The following NRG3 variants were observed in gnomAD, a reference collection of about 807,000 sequenced individuals.
The protein encoded by NRG3 is neuregulin 3, also known as pro-neuregulin-3, membrane-bound isoform.
A neutral mutation model predicts 66.9 loss-of-function variants in NRG3; 31 were observed. The observed-to-expected ratio is 0.46, with a 90% CI of 0.35 to 0.63. The LOEUF is 0.63. Ranked by LOEUF, NRG3 falls within the 20% of genes least tolerant of loss-of-function variation. The pLI, the probability that NRG3 is intolerant of heterozygous loss-of-function variation, is 0.00. For synonymous variants in NRG3, 393 were observed against 359.4 expected (o/e 1.09, Z -1.06); for missense variants, 910 against 878.9 (o/e 1.04, Z -0.45).
intron 2 of NRG3, among the ~76,000 whole-genome samples, chr10:82,393,899 T>C (rs1442130779): frequency 6.6e-6 from 1 of 152,210 alleles, no homozygotes; most frequent in Non-Finnish European, 1.5e-5. Context: ...ATTCCCTTTA[T>C]TGTATGCAGA....
intron 1 of NRG3, among the ~76,000 whole-genome samples, chr10:82,288,201 G>A (rs1189611184): frequency 6.6e-6 from 1 of 152,114 alleles, no homozygotes; most frequent in Non-Finnish European, 1.5e-5. Context: ...TTACTGAATA[G>A]GGAAAATAAT....
At chr10:81,931,447 G>A (rs1847341259) in intron 1 of NRG3, among the ~76,000 whole-genome samples, 1 of 152,152 alleles carries the variant, frequency 6.6e-6, no homozygotes, top group South Asian at 2.1e-4. Flanking sequence ...AGAGATGGGG[G>A]ATTCAATTTC....
At chr10:82,007,978 A>G (rs1318738421) in intron 1 of NRG3, among the ~76,000 whole-genome samples, 1 of 152,114 alleles carries the variant, frequency 6.6e-6, no homozygotes, top group Admixed American at 6.6e-5. Context: ...TTTACTCATT[A>G]TTATCTTATT....
intron 2 of NRG3, among the ~76,000 whole-genome samples, chr10:82,389,032 A>G (rs1385007948): frequency 6.6e-6 from 1 of 152,206 alleles, no homozygotes; most frequent in Non-Finnish European, 1.5e-5. Flanking sequence ...AGAGAGGAGA[A>G]AATACTAGAA....
At chr10:81,893,490 T>G (rs1564637184) in intron 1 of NRG3, among the ~76,000 whole-genome samples, 1 of 152,166 alleles carries the variant, frequency 6.6e-6, no homozygotes, top group Non-Finnish European at 1.5e-5. Flanking sequence ...CTTTTTTAAA[T>G]GTGAAATTTC....
At chr10:82,326,757 T>C (rs180873405) in intron 1 of NRG3, among the ~76,000 whole-genome samples, 2 of 152,294 alleles carry the variant, frequency 1.3e-5, no homozygotes, top group Admixed American at 6.5e-5. Context: ...ACTGTCCTTC[T>C]TTGCCAGAAA....
At chr10:82,706,073 CT>C (rs1340296566) in intron 2 of NRG3, among the ~76,000 whole-genome samples, 1 of 152,112 alleles carries the variant, frequency 6.6e-6, no homozygotes, top group Non-Finnish European at 1.5e-5. Flanking sequence ...CTTTCCTCCC[CT>C]GATCAACCAC....
chr10:82,905,709 T>A (rs1407888463), intron 4 of NRG3, among the ~76,000 whole-genome samples: 1 of 152,176 alleles, frequency 6.6e-6, no homozygotes, highest in African/African-American at 2.4e-5. Context: ...CTCCCATTTC[T>A]TTCTTCCTTT....
intron 1 of NRG3, among the ~76,000 whole-genome samples, chr10:82,132,507 T>TATATATATATG (rs1564593732): frequency 2.7e-4 from 16 of 59,106 alleles, no homozygotes; most frequent in Middle Eastern, 7.1e-3. Context: ...ATATATATCA[T>TATATATATATG]ATATATATGA....
At chr10:82,865,526 T>G (rs1840629720) in intron 4 of NRG3, 89 bp downstream of exon 4, 1 of 1,327,392 alleles carries the variant, frequency 7.5e-7, no homozygotes, top group African/African-American at 1.5e-5. Flanking sequence ...CTGGTTATAA[T>G]TGAAATGTCT....
chr10:82,644,610 A>T (rs1002863705), intron 2 of NRG3, among the ~76,000 whole-genome samples: 2 of 152,190 alleles, frequency 1.3e-5, no homozygotes, highest in African/African-American at 4.8e-5. Context: ...ATAATTAGCA[A>T]TATTTAAATG....
chr10:82,915,365 A>T, intron 4 of NRG3, among the ~76,000 whole-genome samples: 1 of 152,234 alleles, frequency 6.6e-6, no homozygotes, highest in East Asian at 1.9e-4. Flanking sequence ...TAGGAGGTCT[A>T]TGACCTGTTT....
chr10:82,550,336 A>C (rs657326), intron 2 of NRG3, among the ~76,000 whole-genome samples: 151,606 of 152,270 alleles, frequency 1, 75,477 homozygotes, highest in East Asian at 1. Flanking sequence ...CATGTTCAGC[A>C]AGGGAAGTCG....
intron 2 of NRG3, among the ~76,000 whole-genome samples, chr10:82,562,344 A>G (rs1293231234): frequency 6.6e-6 from 1 of 152,152 alleles, no homozygotes; most frequent in African/African-American, 2.4e-5. Flanking sequence ...TGATTGAGAG[A>G]ACTCACTGTC....
At chr10:82,812,294 A>T (rs2061521124) in intron 3 of NRG3, among the ~76,000 whole-genome samples, 1 of 152,218 alleles carries the variant, frequency 6.6e-6, no homozygotes, top group South Asian at 2.1e-4. Context: ...AAAATGCTGA[A>T]AATTAACAAC....
chr10:82,322,069 C>A (rs1468617792), intron 1 of NRG3, among the ~76,000 whole-genome samples: 1 of 152,166 alleles, frequency 6.6e-6, no homozygotes, highest in Non-Finnish European at 1.5e-5. Context: ...ATTCTCCTGG[C>A]ATAGTACAGT....
At chr10:82,502,546 C>A (rs57366771) in intron 2 of NRG3, among the ~76,000 whole-genome samples, 9,547 of 152,094 alleles carry the variant, frequency 0.063, 651 homozygotes, top group East Asian at 0.17. Flanking sequence ...TCAATGAAAA[C>A]TTCTAAGAAA....
In NRG3 at chr10:82,813,198, A is replaced by C. The variant is rs1329477491; in HGVS notation, c.1028-52213A>C. 2.2e-4 allele frequency among the ~76,000 whole-genome samples: 30 copies of C among 139,352 alleles called. No individual in the cohort carries two copies. In the East Asian group the frequency reaches 5.6e-3, roughly 26 times the overall value. 91.4% of individuals were successfully genotyped at this position (139,352 alleles called of 152,430 possible). A position where few individuals can be genotyped will look rare whatever the true frequency, so the allele number is the denominator to read the frequency against. On this transcript the variant is annotated intron_variant, in intron 3 of 8. Coordinates refer to ENST00000372141, the MANE Select transcript of NRG3 (RefSeq NM_001010848.4). ...AAGTACATTATTCATCATTATTCAT[A>C]CCCTCTGTTTCTCTTTTTTTTTTTT...
At chr10:82,856,046 G>A (rs1241465378) in intron 3 of NRG3, among the ~76,000 whole-genome samples, 1 of 152,114 alleles carries the variant, frequency 6.6e-6, no homozygotes, top group Non-Finnish European at 1.5e-5. Context: ...GAGTTTTCTG[G>A]AAACAATTGT....
Sources: gnomAD v4.1 joint callset for allele counts (sites outside exome capture counted in the v4.1 genomes callset) on GRCh38, gnomAD v4.1.1 for gene constraint, MANE v1.5 for transcripts, NCBI Gene and HGNC (gene_info 2026-07-23, HGNC 2026-07-21) for gene names.